Variants in MPP7 observed in about 807,000 individuals in gnomAD.
MPP7 encodes MAGUK p55 subfamily member 7.
MPP7 carries 60 observed loss-of-function variants against 76.5 expected under a neutral mutation model. That is an observed-to-expected ratio of 0.78 (90% CI 0.64 to 0.97). MPP7 has a LOEUF of 0.97. MPP7 is among the 50% of genes least tolerant of loss of function. The pLI is 0.00. For missense variants in MPP7, 641 were observed against 694.0 expected (o/e 0.92, Z 0.86); for synonymous variants, 237 against 244.5 (o/e 0.97, Z 0.29).
At chr10:28,120,074 G>T in intron 10 of MPP7, 120 bp downstream of exon 10, 3 of 1,072,232 alleles carry the variant, frequency 2.8e-6, no homozygotes, top group Non-Finnish European at 4.0e-6. Context: ...AAACCCACAG[G>T]ATAAAAAATT....
intron 3 of MPP7, among the ~76,000 whole-genome samples, chr10:28,200,889 C>T (rs1313768506): frequency 1.3e-5 from 2 of 152,152 alleles, no homozygotes; most frequent in Non-Finnish European, 2.9e-5. Context: ...ATGATGATGA[C>T]ACCTCAAATA....
chr10:28,154,938 C>T (rs1314828191), intron 3 of MPP7, among the ~76,000 whole-genome samples: 2 of 151,776 alleles, frequency 1.3e-5, no homozygotes, highest in African/African-American at 4.8e-5. Flanking sequence ...GAAGTGGGAA[C>T]TGTTAAATTT....
At chr10:28,183,986 T>C (rs1837143348) in intron 3 of MPP7, among the ~76,000 whole-genome samples, 1 of 152,092 alleles carries the variant, frequency 6.6e-6, no homozygotes, top group South Asian at 2.1e-4. Context: ...GCACATTTCA[T>C]CTATCAATTC....
At chr10:28,121,661 T>C (rs936725977) in intron 8 of MPP7, among the ~76,000 whole-genome samples, 1 of 152,138 alleles carries the variant, frequency 6.6e-6, no homozygotes, top group Non-Finnish European at 1.5e-5. Context: ...CATTATTTCA[T>C]AAGATATGTT....
intron 2 of MPP7, among the ~76,000 whole-genome samples, chr10:28,230,539 C>T (rs957958511): frequency 1.3e-5 from 2 of 152,118 alleles, no homozygotes; most frequent in Non-Finnish European, 2.9e-5. Flanking sequence ...GAAGGCCAGG[C>T]GCAGTGGCTC....
intron 2 of MPP7, among the ~76,000 whole-genome samples, chr10:28,309,285 G>T (rs555593602): frequency 2.2e-4 from 33 of 151,904 alleles, no homozygotes; most frequent in African/African-American, 7.7e-4. Context: ...GTGGTGGCAG[G>T]TGCCTGTAGT....
At chr10:28,062,098 C>T (rs1031317112) in intron 13 of MPP7, among the ~76,000 whole-genome samples, 5 of 151,968 alleles carry the variant, frequency 3.3e-5, no homozygotes, top group Admixed American at 1.3e-4. Context: ...TAAATGTAAA[C>T]GTCTACTTTT....
chr10:28,169,931 C>T (rs888886028), intron 3 of MPP7, among the ~76,000 whole-genome samples: 6 of 152,158 alleles, frequency 3.9e-5, no homozygotes, highest in African/African-American at 9.7e-5. Flanking sequence ...TATCTTGCAA[C>T]GGTGACTAGG....
chr10:28,257,335 G>A (rs1370715888), intron 1 of MPP7, among the ~76,000 whole-genome samples: 1 of 152,034 alleles, frequency 6.6e-6, no homozygotes, highest in Non-Finnish European at 1.5e-5. Context: ...TAAGGAAACT[G>A]AAAACCAACA....
intron 1 of MPP7, among the ~76,000 whole-genome samples, chr10:28,263,519 T>A (rs1418672524): frequency 6.6e-6 from 1 of 152,132 alleles, no homozygotes; most frequent in East Asian, 1.9e-4. Flanking sequence ...CAATGTAGAT[T>A]GTGATGAAAA....
At chr10:28,137,182 T>C (rs759885967) in intron 5 of MPP7, among the ~76,000 whole-genome samples, 8 of 152,202 alleles carry the variant, frequency 5.3e-5, no homozygotes, top group Non-Finnish European at 1.2e-4. Flanking sequence ...TGGAGCAACA[T>C]CTTTAAAATA....
intron 13 of MPP7, among the ~76,000 whole-genome samples, chr10:28,065,075 A>G (rs1851937838): frequency 6.6e-6 from 1 of 152,210 alleles, no homozygotes; most frequent in Non-Finnish European, 1.5e-5. Context: ...GTGTTCCTTT[A>G]GCAAATAGTA....
At chr10:28,310,196 T>G (rs528424255) in intron 2 of MPP7, among the ~76,000 whole-genome samples, 17 of 152,126 alleles carry the variant, frequency 1.1e-4, no homozygotes, top group African/African-American at 3.6e-4. Context: ...GAGACGGGGT[T>G]TCACCATGTT....
intron 6 of MPP7, among the ~76,000 whole-genome samples, chr10:28,131,278 C>G (rs1228579979): frequency 6.6e-6 from 1 of 152,076 alleles, no homozygotes; most frequent in East Asian, 1.9e-4. Context: ...TTAAGTTGTA[C>G]CATGTAATCT....
At chr10:28,237,727 C>T (rs1232733296) in intron 2 of MPP7, among the ~76,000 whole-genome samples, 1 of 152,300 alleles carries the variant, frequency 6.6e-6, no homozygotes, top group South Asian at 2.1e-4. Context: ...CCATATAAAA[C>T]AGAGAACATT....
chr10:28,283,819 A>T (rs562024338), intron 1 of MPP7, among the ~76,000 whole-genome samples: 1 of 152,178 alleles, frequency 6.6e-6, no homozygotes, highest in East Asian at 1.9e-4. Context: ...CCAGCCCCCA[A>T]AGCTTTTTTT....
At chr10:28,145,148 C>T (rs1027978182) in intron 5 of MPP7, among the ~76,000 whole-genome samples, 1 of 152,094 alleles carries the variant, frequency 6.6e-6, no homozygotes, top group African/African-American at 2.4e-5. Context: ...CTTCTGACCT[C>T]GTGATCCGCC....
intron 1 of MPP7, among the ~76,000 whole-genome samples, chr10:28,279,209 A>G (rs1163532994): frequency 6.6e-6 from 1 of 152,062 alleles, no homozygotes; most frequent in African/African-American, 2.4e-5. Flanking sequence ...CTCCTAAGGA[A>G]GCTAAGAGGA....
At chr10:28,251,799 G>C (rs1377732695) in intron 1 of MPP7, among the ~76,000 whole-genome samples, 1 of 152,102 alleles carries the variant, frequency 6.6e-6, no homozygotes, top group Non-Finnish European at 1.5e-5. Flanking sequence ...GCACACACCT[G>C]TAGTCCCAGA....
Sources: allele counts gnomAD v4.1 joint callset (sites outside exome capture counted in the v4.1 genomes callset), GRCh38; gene constraint gnomAD v4.1.1; transcripts MANE v1.5; gene names NCBI Gene and HGNC (gene_info 2026-07-23, HGNC 2026-07-21).